Variants in NFKB2 observed in about 807,000 individuals in gnomAD.
NFKB2 encodes the protein nuclear factor NF-kappa-B p100 subunit.
A neutral mutation model predicts 109.3 loss-of-function variants in NFKB2; 21 were observed. The ratio of observed to expected loss-of-function variants is 0.19; its 90% CI spans 0.14 to 0.28. The LOEUF (loss-of-function observed/expected upper bound fraction) is 0.28. Among genes scored for constraint, NFKB2 ranks in the 10% least tolerant of loss-of-function variants. NFKB2 has a pLI of 1.00. For synonymous variants in NFKB2, 478 were observed against 489.9 expected (o/e 0.98, Z 0.32); for missense variants, 806 against 1,185.3 (o/e 0.68, Z 4.70).
chr10:102,401,699 C>T lies in NFKB2; in HGVS notation c.2294-46C>T. The T allele has an allele frequency of 6.4e-7, 1 of 1,562,554 alleles. No individual in the cohort carries two copies. Among genetic ancestry groups the T allele is most frequent in the Non-Finnish European group, 8.7e-7 (1 of 1,151,882 alleles). On this transcript the variant is annotated intron_variant, in intron 20 of 22. Coordinates refer to ENST00000661543, the MANE Select transcript of NFKB2 (RefSeq NM_001322934.2). This position sits in a 1 kb window ranked among gnomAD's most constrained non-coding sequence, Gnocchi z 4.2. ...AGTGTTCAGGTGTCCATGTCCCCAC[C>T]CAACTCTGGAGGTAAATGACATGTC...
Position 102,397,038 on chromosome 10 carries a change from C to G in NFKB2, c.378C>G (p.Pro126=). Residue 126 remains proline (P), a synonymous_variant, in exon 6 of 23, where the codon CCC becomes CCG. Coordinates refer to ENST00000661543, the MANE Select transcript of NFKB2 (RefSeq NM_001322934.2). The surrounding 1 kb of genome is among the most constrained non-coding windows in gnomAD (Gnocchi z 4.7). Reference sequence around the variant, plus strand: ...GGATCTGCGCCGTTTCTGTGGGGCCCAAGGACATGACTGCCCAGTAGGTGC... The same window carrying G: ...GGATCTGCGCCGTTTCTGTGGGGCCGAAGGACATGACTGCCCAGTAGGTGC... ...ELGICAVSVG[P]KDMTAQFNNL... 6.2e-7 allele frequency: 1 copy of G among 1,612,788 alleles called. No homozygotes were observed. Among genetic ancestry groups the G allele is most frequent in the Non-Finnish European group, 8.5e-7 (1 of 1,179,204 alleles).
Position 102,397,281 on chromosome 10 carries a change from C to A in NFKB2, c.396-21C>A, listed in dbSNP as rs1364680077. The A allele has an allele frequency of 2.5e-6, 4 of 1,609,276 alleles. No homozygotes were observed. Among genetic ancestry groups the A allele is most frequent in the Non-Finnish European group, 2.6e-6 (3 of 1,175,792 alleles). ...GAAGAAAGAACTGCATGGCCAAAGG[C>A]CTCCGATTCTCTCTTCTCAGATTTA... On this transcript the variant is annotated intron_variant, in intron 6 of 22. Coordinates refer to ENST00000661543, the MANE Select transcript of NFKB2 (RefSeq NM_001322934.2). This position sits in a 1 kb window ranked among gnomAD's most constrained non-coding sequence, Gnocchi z 4.7.
intron 13 of NFKB2, 26 bp from the exon 14 acceptor site, chr10:102,399,551 T>G: frequency 6.5e-7 from 1 of 1,544,598 alleles, no homozygotes. Flanking sequence ...GACCTAGCCC[T>G]GACCCACGCC....
Position 102,400,964 on chromosome 10 carries a change from C to T in NFKB2, c.1986C>T (p.Asn662=), listed in dbSNP as rs373579402. The change falls in exon 18 of 23, where the codon AAC becomes AAT. Residue 662 remains asparagine (N), a synonymous_variant. Coordinates refer to ENST00000661543, the MANE Select transcript of NFKB2 (RefSeq NM_001322934.2). The surrounding 1 kb of genome is among the most constrained non-coding windows in gnomAD (Gnocchi z 6.3). ...HLVTKLRANV[N]ARTFAGNTPL... ...ACCCCCAGCTCCGGGCCAACGTGAA[C>T]GCTCGCACCTTTGCGGGAAACACAC... 9.9e-6 allele frequency: 16 copies of T among 1,613,572 alleles called. No homozygotes were observed. In the Admixed American group the frequency reaches 1.2e-4, roughly 12 times the overall value.
In NFKB2 at chr10:102,401,154, G is replaced by T. The variant is rs779673529; in HGVS notation, c.2072-26G>T. ...CCTTAATGTAGGCCCCCACCATACC[G>T]CCCCATGACGGCCTCCCTCTCCCAG... is the stretch of plus-strand genomic sequence containing the variant. On this transcript the variant is annotated intron_variant, in intron 18 of 22. Transcript: ENST00000661543. The surrounding 1 kb of genome is among the most constrained non-coding windows in gnomAD (Gnocchi z 4.2). 1 of 1,592,054 alleles carries T rather than the reference G, an allele frequency of 6.3e-7. No homozygotes were observed. Among genetic ancestry groups the T allele is most frequent in the Non-Finnish European group, 8.6e-7 (1 of 1,165,754 alleles).
At chr10:102,395,677 T>G, upstream of NFKB2, 4 of 499,708 alleles carry the variant, frequency 8.0e-6, no homozygotes, top group South Asian at 2.8e-5. Flanking sequence ...CTCCCCTTGG[T>G]ATTTTCGGGA....
chr10:102,397,073 C>T lies in NFKB2; in HGVS notation c.395+18C>T, dbSNP rs772658106. ...ACTGCCCAGTAGGTGCCCTCTACGCCTGGCCCCCACTGGTATGCCCGTCTG... is the reference window on the plus strand; with the variant it reads ...ACTGCCCAGTAGGTGCCCTCTACGCTTGGCCCCCACTGGTATGCCCGTCTG... On this transcript the variant is annotated intron_variant, in intron 6 of 22. Transcript: ENST00000661543. The surrounding 1 kb of genome is among the most constrained non-coding windows in gnomAD (Gnocchi z 4.7). The T allele has an allele frequency of 2.5e-6, 4 of 1,600,682 alleles. No individual in the cohort carries two copies. The Admixed American group carries it at 6.7e-5, about 27-fold the overall frequency.
At chr10:102,399,537 T>C in intron 13 of NFKB2, 40 bp downstream of exon 13, 1 of 1,523,142 alleles carries the variant, frequency 6.6e-7, no homozygotes, top group Non-Finnish European at 8.8e-7. Context: ...GCGCCGGGGC[T>C]GAGGACCTAG....
chr10:102,399,258 C>G (rs533472348), intron 12 of NFKB2, 30 bp from the exon 13 acceptor site: 2 of 1,557,730 alleles, frequency 1.3e-6, no homozygotes, highest in South Asian at 1.2e-5. Flanking sequence ...GGCTGGTGCC[C>G]GCTTCCCACA....
At position 102,401,252 on chromosome 10, in the gene NFKB2, C is replaced by T. The variant is rs527505889; in HGVS notation, c.2144C>T (p.Ser715Leu). ...TCACCCCCTACCTCTGATAGCGACTCGGACTCTGAAGGGCCTGAGAAGGAC... is the reference window on the plus strand; with the variant it reads ...TCACCCCCTACCTCTGATAGCGACTTGGACTCTGAAGGGCCTGAGAAGGAC... ...LPSPPTSDSD[S>L]DSEGPEKDTR... The change falls in exon 19 of 23, where the codon TCG becomes TTG. Residue 715 changes from serine to leucine, a missense_variant. This residue lies in a region of NFKB2 where 211 missense variants were observed against 268.7 expected (regional missense o/e 0.79). Coordinates refer to ENST00000661543, the MANE Select transcript of NFKB2 (RefSeq NM_001322934.2). This position sits in a 1 kb window ranked among gnomAD's most constrained non-coding sequence, Gnocchi z 4.2. 4.2e-5 allele frequency: 67 copies of T among 1,611,818 alleles called. No individual in the cohort carries two copies. Among genetic ancestry groups the T allele is most frequent in the Non-Finnish European group, 5.1e-5 (60 of 1,178,816 alleles).
chr10:102,396,322 G>A lies in NFKB2; in HGVS notation c.91G>A (p.Ala31Thr). 6.2e-7 allele frequency: 1 copy of A among 1,613,620 alleles called. No homozygotes were observed. The highest frequency in any genetic ancestry group is 8.5e-7 in the Non-Finnish European group (1 of 1,179,546). Residue 31 changes from alanine to threonine, a missense_variant, in exon 3 of 23, where the codon GCC (alanine) becomes ACC (threonine). By Grantham distance (58) the Ala-to-Thr change is moderately conservative. Around this residue, in one of 10 missense-constraint regions of NFKB2, gnomAD observed 39 missense variants for 35.6 expected, o/e 1.09. Transcript: ENST00000661543. This position sits in a 1 kb window ranked among gnomAD's most constrained non-coding sequence, Gnocchi z 5.9. ...NSSIVEPKEP[A>T]PETADGPYLV... ...CTCCATTGTGGAACCCAAGGAGCCA[G>A]CCCCAGAAACAGGTCAGCAAGTTCA...
chr10:102,399,801 G>C, intron 14 of NFKB2, 83 bp downstream of exon 14: 1 of 1,427,908 alleles, frequency 7.0e-7, no homozygotes, highest in Non-Finnish European at 9.2e-7. Flanking sequence ...TGCAGTTTTC[G>C]GACACGCCAG....
In NFKB2 at chr10:102,401,378, A is replaced by G. The variant is rs1589871259; in HGVS notation, c.2223+47A>G. 14 of 1,611,736 alleles carry G rather than the reference A, an allele frequency of 8.7e-6. No individual in the cohort carries two copies. The highest frequency in any genetic ancestry group is 1.1e-5 in the Non-Finnish European group (13 of 1,178,646). Reference sequence around the variant, plus strand: ...AAGTGCTCTGAGTGACGGGGTCCAGAGTATCTGGACTTAAAGACACAGGCT... The same window carrying G: ...AAGTGCTCTGAGTGACGGGGTCCAGGGTATCTGGACTTAAAGACACAGGCT... On this transcript the variant is annotated intron_variant, in intron 19 of 22. Coordinates refer to ENST00000661543, the MANE Select transcript of NFKB2 (RefSeq NM_001322934.2). This position sits in a 1 kb window ranked among gnomAD's most constrained non-coding sequence, Gnocchi z 4.2.
Position 102,396,052 on chromosome 10 carries a change from C to CT in NFKB2, c.21+73dup. 6.3e-7 allele frequency: 1 copy of CT among 1,592,784 alleles called. No individual in the cohort carries two copies. Among genetic ancestry groups the CT allele is most frequent in the Non-Finnish European group, 8.6e-7 (1 of 1,164,768 alleles). On this transcript the variant is annotated intron_variant, in intron 2 of 22. Coordinates refer to ENST00000661543, the MANE Select transcript of NFKB2 (RefSeq NM_001322934.2). This position sits in a 1 kb window ranked among gnomAD's most constrained non-coding sequence, Gnocchi z 5.9. ...CTGTCCACCTGTCTGCCCGAGCCCC[C>CT]TCTGCTGCCTTACACCTGTATGCTC...
Position 102,401,286 on chromosome 10 carries a change from C to A in NFKB2, c.2178C>A (p.Ser726Arg). ...DSEGPEKDTR[S>R]SFRGHTPLDL... ...AAGGGCCTGAGAAGGACACCCGAAGCAGCTTCCGGGGCCACACGCCTCTTG... is the reference window on the plus strand; with the variant it reads ...AAGGGCCTGAGAAGGACACCCGAAGAAGCTTCCGGGGCCACACGCCTCTTG... The change falls in exon 19 of 23, where the codon AGC (serine) becomes AGA (arginine). Residue 726 changes from serine to arginine, a missense_variant. By Grantham distance (110) the Ser-to-Arg change is moderately radical. Around this residue, in one of 10 missense-constraint regions of NFKB2, gnomAD observed 211 missense variants for 268.7 expected, o/e 0.79. Transcript: ENST00000661543. The surrounding 1 kb of genome is among the most constrained non-coding windows in gnomAD (Gnocchi z 4.2). The A allele has an allele frequency of 1.2e-6, 2 of 1,611,166 alleles. No individual in the cohort carries two copies. The highest frequency in any genetic ancestry group is 1.7e-6 in the Non-Finnish European group (2 of 1,178,390).
rs1311137065 is a variant in NFKB2, at chr10:102,397,467, T to C, written c.502+59T>C. ...CAGGGGGTGGGTGGGTCATGGGAGG[T>C]GCTCATGGAAGGAGCAGGGAGGGAG... On this transcript the variant is annotated intron_variant, in intron 7 of 22. Transcript: ENST00000661543. This position sits in a 1 kb window ranked among gnomAD's most constrained non-coding sequence, Gnocchi z 4.7. The C allele has an allele frequency of 6.2e-7, 1 of 1,604,016 alleles. No homozygotes were observed. Among genetic ancestry groups the C allele is most frequent in the Non-Finnish European group, 8.5e-7 (1 of 1,174,920 alleles).
In NFKB2 at chr10:102,400,681, C is replaced by A; in HGVS notation, c.1825C>A (p.Arg609=). The A allele has an allele frequency of 1.2e-6, 2 of 1,614,022 alleles. No individual in the cohort carries two copies. The highest frequency in any genetic ancestry group is 1.7e-6 in the Non-Finnish European group (2 of 1,179,966). Residue 609 remains arginine, a synonymous_variant, in exon 17 of 23, where the codon CGA becomes AGA. Coordinates refer to ENST00000661543, the MANE Select transcript of NFKB2 (RefSeq NM_001322934.2). The surrounding 1 kb of genome is among the most constrained non-coding windows in gnomAD (Gnocchi z 6.3). ...EGLYPVHLAV[R]ARSPECLDLL... ...ACTGTATCCAGTACACCTGGCAGTC[C>A]GAGCCCGAAGCCCTGAGTGCCTGGA...
chr10:102,398,178 G>A lies in NFKB2; in HGVS notation c.767-34G>A, dbSNP rs372804316. ...GGTAAATGGCCCCAGAGATTCCACC[G>A]GGAGCTGTGGCCAAGCTTCCGTTTT... On this transcript the variant is annotated intron_variant, in intron 9 of 22. Coordinates refer to ENST00000661543, the MANE Select transcript of NFKB2 (RefSeq NM_001322934.2). This position sits in a 1 kb window ranked among gnomAD's most constrained non-coding sequence, Gnocchi z 6.6. 26 of 1,613,320 alleles carry A rather than the reference G, an allele frequency of 1.6e-5. No homozygotes were observed. Among genetic ancestry groups the A allele is most frequent in the Admixed American group, 6.7e-5 (4 of 59,994 alleles).
chr10:102,397,172 C>A lies in NFKB2; in HGVS notation c.395+117C>A. 1.9e-6 allele frequency: 3 copies of A among 1,539,996 alleles called. No homozygotes were observed. Among genetic ancestry groups the A allele is most frequent in the Non-Finnish European group, 2.7e-6 (3 of 1,130,334 alleles). ...GGGAAAGATGTAGGTTGGCCCCAAA[C>A]CCAAGGGCCTAAGTAGAAACTCCAA... On this transcript the variant is annotated intron_variant, in intron 6 of 22. Coordinates refer to ENST00000661543, the MANE Select transcript of NFKB2 (RefSeq NM_001322934.2). This position sits in a 1 kb window ranked among gnomAD's most constrained non-coding sequence, Gnocchi z 4.7.
Sources: allele counts gnomAD v4.1 joint callset, GRCh38; gene constraint gnomAD v4.1.1; regional missense constraint gnomAD v4.1.1; non-coding constraint Gnocchi (gnomAD v3.1); transcripts MANE v1.5; gene names NCBI Gene and HGNC (gene_info 2026-07-23, HGNC 2026-07-21).